The following ADGRL3 variants were observed in gnomAD, a reference collection of about 807,000 sequenced individuals.
The protein encoded by ADGRL3 is adhesion G protein-coupled receptor L3, also known as calcium-independent alpha-latrotoxin receptor 3.
In ADGRL3, 62 loss-of-function variants were observed where a neutral mutation model predicts 153.5. That is an observed-to-expected ratio of 0.40 (90% CI 0.33 to 0.50). ADGRL3 has a LOEUF of 0.50. Ranked by LOEUF, ADGRL3 falls within the 20% of genes least tolerant of loss-of-function variation. The pLI is 0.47. For synonymous variants in ADGRL3, 710 were observed against 672.5 expected (o/e 1.06, Z -0.86); for missense variants, 1,641 against 1,859.4 (o/e 0.88, Z 2.16).
Position 61,490,116 on chromosome 4 carries a change from T to C in ADGRL3, c.-173-7005T>C, listed in dbSNP as rs534793101. Among the ~76,000 whole-genome samples the C allele has an allele frequency of 1.5e-4, 23 of 152,146 alleles. 1 individual carries two copies. The South Asian group carries it at 4.8e-3, about 32-fold the overall frequency. ...TTTTTCCACCTCTTTACCTTTACCA[T>C]AGCAACTCTTAATCCAAAACGTTCT... On this transcript the variant is annotated intron_variant, in intron 2 of 26. Coordinates refer to ENST00000683033, the MANE Select transcript of ADGRL3 (RefSeq NM_001387552.1).
intron 13 of ADGRL3, among the ~76,000 whole-genome samples, chr4:61,925,632 AAGAG>A (rs1208976872): frequency 6.6e-6 from 1 of 151,950 alleles, no homozygotes; most frequent in Admixed American, 6.6e-5. Context: ...AAGCAGGAGC[AAGAG>A]AGAGAGAGTG....
intron 8 of ADGRL3, among the ~76,000 whole-genome samples, chr4:61,769,845 T>C (rs1177542079): frequency 6.6e-6 from 1 of 151,850 alleles, no homozygotes; most frequent in African/African-American, 2.4e-5. Flanking sequence ...CACAAGGTAA[T>C]GTCATCAGTT....
At chr4:61,959,644 G>A (rs2098980448) in intron 17 of ADGRL3, among the ~76,000 whole-genome samples, 2 of 152,094 alleles carry the variant, frequency 1.3e-5, no homozygotes, top group Non-Finnish European at 2.9e-5. Flanking sequence ...TTCTAGGCTA[G>A]AAGAAAACAC....
chr4:61,717,051 T>C (rs2096130156), intron 6 of ADGRL3, among the ~76,000 whole-genome samples: 1 of 152,132 alleles, frequency 6.6e-6, no homozygotes, highest in Non-Finnish European at 1.5e-5. Context: ...AAGGAGAGAC[T>C]TGCGGGTTAA....
At chr4:61,576,794 A>G (rs1248331106) in intron 4 of ADGRL3, among the ~76,000 whole-genome samples, 4 of 151,528 alleles carry the variant, frequency 2.6e-5, no homozygotes, top group Non-Finnish European at 4.4e-5. Flanking sequence ...TAGTTGGAAA[A>G]CATAACAATG....
intron 9 of ADGRL3, among the ~76,000 whole-genome samples, chr4:61,833,535 G>T (rs538123397): frequency 6.6e-6 from 1 of 152,046 alleles, no homozygotes; most frequent in Non-Finnish European, 1.5e-5. Context: ...CTGTCTTCTC[G>T]GATTGAGTCA....
At chr4:61,822,698 A>C (rs563566813) in intron 9 of ADGRL3, among the ~76,000 whole-genome samples, 1 of 152,248 alleles carries the variant, frequency 6.6e-6, no homozygotes, top group African/African-American at 2.4e-5. Context: ...TACTGAGAAT[A>C]ATTATCCCAG....
chr4:61,490,962 A>C (rs914608279), intron 2 of ADGRL3, among the ~76,000 whole-genome samples: 4 of 152,180 alleles, frequency 2.6e-5, no homozygotes, highest in African/African-American at 9.7e-5. Context: ...TTTACAAAAC[A>C]TAATATATTT....
At chr4:61,766,862 A>G (rs1580720351) in intron 8 of ADGRL3, among the ~76,000 whole-genome samples, 1 of 152,052 alleles carries the variant, frequency 6.6e-6, no homozygotes, top group Non-Finnish European at 1.5e-5. Flanking sequence ...CACGGGGTGG[A>G]TAGGCAAAAC....
chr4:61,436,010 A>G (rs984614183), intron 2 of ADGRL3, among the ~76,000 whole-genome samples: 1 of 152,192 alleles, frequency 6.6e-6, no homozygotes, highest in Non-Finnish European at 1.5e-5. Context: ...ATTTCCAAGT[A>G]TAATGGGAAT....
At chr4:61,644,268 G>GA (rs534607455) in intron 5 of ADGRL3, among the ~76,000 whole-genome samples, 3,257 of 145,480 alleles carry the variant, frequency 0.022, 82 homozygotes, top group African/African-American at 0.053. Context: ...TTTTTGAAGG[G>GA]TTTTTTGTGT....
At chr4:61,905,799 G>A (rs2098692736) in intron 11 of ADGRL3, among the ~76,000 whole-genome samples, 2 of 151,540 alleles carry the variant, frequency 1.3e-5, no homozygotes, top group Admixed American at 1.3e-4. Context: ...GGAGACCAAG[G>A]CATGAGAATC....
At chr4:61,611,265 C>T (rs2091309024) in intron 5 of ADGRL3, among the ~76,000 whole-genome samples, 1 of 152,072 alleles carries the variant, frequency 6.6e-6, no homozygotes. Context: ...GTACTCAAAA[C>T]AATGGCCTAG....
intron 4 of ADGRL3, among the ~76,000 whole-genome samples, chr4:61,557,647 A>G (rs2098773265): frequency 6.6e-6 from 1 of 152,184 alleles, no homozygotes; most frequent in African/African-American, 2.4e-5. Context: ...CTTTAATGCT[A>G]AAGTGCTTTA....
chr4:61,402,240 T>G (rs1429168751), intron 2 of ADGRL3, among the ~76,000 whole-genome samples: 1 of 152,104 alleles, frequency 6.6e-6, no homozygotes, highest in Non-Finnish European at 1.5e-5. Context: ...GGATGTCCTG[T>G]TTTGTACAGG....
chr4:61,510,869 A>G (rs2098459847), intron 3 of ADGRL3, among the ~76,000 whole-genome samples: 1 of 152,126 alleles, frequency 6.6e-6, no homozygotes, highest in Non-Finnish European at 1.5e-5. Context: ...TGGCGATTCT[A>G]GCAATATTAA....
At chr4:61,871,945 A>G (rs540008197) in intron 9 of ADGRL3, among the ~76,000 whole-genome samples, 1 of 152,328 alleles carries the variant, frequency 6.6e-6, no homozygotes, top group African/African-American at 2.4e-5. Flanking sequence ...TAACTAATCT[A>G]AATGTCAAAA....
intron 22 of ADGRL3, 24 bp from the exon 23 acceptor site, chr4:62,031,418 C>G: frequency 1.3e-6 from 2 of 1,551,566 alleles, no homozygotes; most frequent in Non-Finnish European, 1.7e-6. Context: ...TTTAATAACC[C>G]TTAATTTTCT....
intron 9 of ADGRL3, among the ~76,000 whole-genome samples, chr4:61,865,259 G>A (rs1338044215): frequency 8.3e-6 from 1 of 120,106 alleles, no homozygotes; most frequent in East Asian, 2.3e-4. Context: ...CCATATACAA[G>A]CTACTTTAAA....
Sources: allele counts gnomAD v4.1 joint callset (sites outside exome capture counted in the v4.1 genomes callset), GRCh38; gene constraint gnomAD v4.1.1; transcripts MANE v1.5; gene names NCBI Gene and HGNC (gene_info 2026-07-23, HGNC 2026-07-21).